MYO1F: variants seen among roughly 807,000 people sequenced by gnomAD.
MYO1F encodes unconventional myosin-If.
A neutral mutation model predicts 146.6 loss-of-function variants in MYO1F; 60 were observed. The observed-to-expected ratio is 0.41, with a 90% CI of 0.33 to 0.51. MYO1F has a LOEUF of 0.51. Among genes scored for constraint, MYO1F ranks in the 20% least tolerant of loss-of-function variants. The pLI is 0.25. For missense variants in MYO1F, 1,274 were observed against 1,534.3 expected (o/e 0.83, Z 2.83); for synonymous variants, 602 against 602.1 (o/e 1.00, Z 0.00).
rs61463028 is a variant in MYO1F at position 8,548,333 on chromosome 19, G to GCC, written c.1102-17_1102-16insGG. 0.068 allele frequency: 110,318 copies of GCC among 1,612,706 alleles called. 11,144 individuals carry two copies. The highest frequency in any genetic ancestry group is 0.44 in the African/African-American group (32,736 of 74,718). On this transcript the variant is annotated splice_polypyrimidine_tract_variant and intron_variant, in intron 10 of 27. Transcript: ENST00000644032. ...GGTTGATGGCCTGCGGTGTGGGTGG[G>GCC]GACAGGAAGTCAGTGGGCATCGGTC...
At chr19:8,569,513 A>G (rs2042070859) in intron 1 of MYO1F, among the ~76,000 whole-genome samples, 3 of 152,006 alleles carry the variant, frequency 2.0e-5, no homozygotes, top group African/African-American at 7.2e-5. Flanking sequence ...GATGTGTGCC[A>G]TGGAGGGAAC....
Position 8,548,321 on chromosome 19 carries a change from C to T in MYO1F, c.1102-4G>A, listed in dbSNP as rs188180684. On this transcript the variant is annotated splice_region_variant and splice_polypyrimidine_tract_variant and intron_variant, in intron 10 of 27. Transcript: ENST00000644032. ...TCTGCATAGCACGGTTGATGGCCTG[C>T]GGTGTGGGTGGGGACAGGAAGTCAG... 35 of 1,603,946 alleles carry T rather than the reference C, an allele frequency of 2.2e-5. No homozygotes were observed. In the African/African-American group the frequency reaches 2.3e-4, roughly 10 times the overall value.
chr19:8,560,318 A>C (rs923145529), intron 1 of MYO1F, among the ~76,000 whole-genome samples: 1 of 151,548 alleles, frequency 6.6e-6, no homozygotes, highest in Non-Finnish European at 1.5e-5. Context: ...CCCCATCTCT[A>C]CTAAAAATAC....
At chr19:8,568,189 C>T (rs1369954057) in intron 1 of MYO1F, among the ~76,000 whole-genome samples, 2 of 151,740 alleles carry the variant, frequency 1.3e-5, no homozygotes, top group Non-Finnish European at 2.9e-5. Flanking sequence ...TTTGGGAGGC[C>T]GAGGTGGGTG....
chr19:8,556,310 G>A (rs1379917375), intron 1 of MYO1F, among the ~76,000 whole-genome samples: 1 of 150,666 alleles, frequency 6.6e-6, no homozygotes, highest in Admixed American at 6.6e-5. Flanking sequence ...GATTACAGGC[G>A]TGAGCCACCG....
chr19:8,544,521 A>G, intron 13 of MYO1F, 57 bp from the exon 14 acceptor site: 1 of 1,474,298 alleles, frequency 6.8e-7, no homozygotes, highest in South Asian at 1.1e-5. Context: ...GCCTCCCCAC[A>G]GCTCGTCAGT....
At chr19:8,543,062 C>T (rs1973049621) in intron 14 of MYO1F, among the ~76,000 whole-genome samples, 1 of 152,038 alleles carries the variant, frequency 6.6e-6, no homozygotes, top group African/African-American at 2.4e-5. Flanking sequence ...CACGACCACG[C>T]CCGGCTGATT....
chr19:8,571,516 G>C (rs2042107712), intron 1 of MYO1F, among the ~76,000 whole-genome samples: 1 of 151,948 alleles, frequency 6.6e-6, no homozygotes, highest in African/African-American at 2.4e-5. Flanking sequence ...CTGGGTTCAA[G>C]CGATTCTCCT....
intron 25 of MYO1F, 102 bp from the exon 26 acceptor site, chr19:8,522,931 A>G: frequency 9.8e-7 from 1 of 1,017,162 alleles, no homozygotes; most frequent in Non-Finnish European, 1.5e-6. Flanking sequence ...AGACTGCGAC[A>G]CTCTCAACCC....
rs11881996 is a variant in MYO1F at position 8,550,238 on chromosome 19, G to A, written c.1023C>T (p.Leu341=). 2,917 of 1,614,176 alleles carry A rather than the reference G, an allele frequency of 1.8e-3. 45 individuals are homozygous for A. The African/African-American group carries it at 0.034, about 19-fold the overall frequency. ...GGGTGTAGGCTGCCTGCTCCACGTT[G>A]AGGGTCACATTGATGGACTCGCTGC... is the stretch of plus-strand genomic sequence containing the variant. ...GGRSESINVT[L]NVEQAAYTRD... Residue 341 remains leucine (L), a synonymous_variant, in exon 10 of 28, where the codon CTC becomes CTT. Coordinates refer to ENST00000644032, the MANE Select transcript of MYO1F (RefSeq NM_012335.4).
At chr19:8,564,065 G>A (rs573054515) in intron 1 of MYO1F, among the ~76,000 whole-genome samples, 1 of 152,224 alleles carries the variant, frequency 6.6e-6, no homozygotes, top group Admixed American at 6.5e-5. Flanking sequence ...TTTAAAGGAG[G>A]CCTAATTAGG....
Position 8,521,487 on chromosome 19 carries a change from G to T in MYO1F, c.*41C>A. The T allele has an allele frequency of 6.3e-7, 1 of 1,586,906 alleles. No individual in the cohort carries two copies. Among genetic ancestry groups the T allele is most frequent in the Non-Finnish European group, 8.6e-7 (1 of 1,165,896 alleles). On this transcript the variant is annotated 3_prime_UTR_variant, in exon 28 of 28. Coordinates refer to ENST00000644032, the MANE Select transcript of MYO1F (RefSeq NM_012335.4). ...TGGCTCCCCACCAGGCCGGCAGGCA[G>T]ATAGGCGGGCGAAAGAGAAGGCAGT...
At chr19:8,543,768 CTGG>C (rs1568348936) in intron 14 of MYO1F, among the ~76,000 whole-genome samples, 2 of 10,950 alleles carry the variant, frequency 1.8e-4, no homozygotes, top group Non-Finnish European at 3.5e-4. Flanking sequence ...GGTGGTGGTG[CTGG>C]TGGTGCTGGT....
chr19:8,560,494 G>GAAA lies in MYO1F; in HGVS notation c.4-4701_4-4699dup, dbSNP rs5827003. Among the ~76,000 whole-genome samples the GAAA allele has an allele frequency of 4.2e-3, 611 of 145,172 alleles. 6 individuals are homozygous for GAAA. Among genetic ancestry groups the GAAA allele is most frequent in the African/African-American group, 0.015 (594 of 39,258 alleles). On this transcript the variant is annotated intron_variant, in intron 1 of 27. Coordinates refer to ENST00000644032, the MANE Select transcript of MYO1F (RefSeq NM_012335.4). ...TAGCGAGACTTGGTCTTAAAAAAAG[G>GAAA]AAAAAAAAAAAAGAACAGGTTCTTG...
intron 1 of MYO1F, among the ~76,000 whole-genome samples, chr19:8,570,139 C>T (rs1251103435): frequency 4.0e-5 from 6 of 151,624 alleles, no homozygotes; most frequent in Admixed American, 2.0e-4. Context: ...GCGGCATGAT[C>T]TAGGCTTACT....
rs1972427344 is a variant in MYO1F at position 8,530,280 on chromosome 19, C to T, written c.2244G>A (p.Glu748=). ...CCAGGAACTGACGCAGCTCGGGCCG[C>T]TCCTCCAGCCCCAGGTAGTCCCCGA... ...NFVGDYLGLE[E]RPELRQFLGK... Residue 748 remains glutamate (E), a synonymous_variant, in exon 21 of 28, where the codon GAG becomes GAA. Coordinates refer to ENST00000644032, the MANE Select transcript of MYO1F (RefSeq NM_012335.4). The surrounding 1 kb of genome is among the most constrained non-coding windows in gnomAD (Gnocchi z 5.8). 6.2e-7 allele frequency: 1 copy of T among 1,614,154 alleles called. No homozygotes were observed. The highest frequency in any genetic ancestry group is 8.5e-7 in the Non-Finnish European group (1 of 1,180,026).
At chr19:8,526,430 GC>G (rs1162059361) in intron 24 of MYO1F, 22 bp downstream of exon 24, 6 of 1,550,272 alleles carry the variant, frequency 3.9e-6, no homozygotes, top group Non-Finnish European at 5.2e-6. Flanking sequence ...CGCCCCCTCT[GC>G]CCTAGTTCCG....
chr19:8,550,450 A>G, intron 9 of MYO1F, 94 bp from the exon 10 acceptor site: 1 of 1,596,908 alleles, frequency 6.3e-7, no homozygotes, highest in Non-Finnish European at 8.5e-7. Flanking sequence ...TTGCCCAGTG[A>G]CACCCACATT....
Position 8,536,236 on chromosome 19 carries a change from C to T in MYO1F, c.2043+16G>A. On this transcript the variant is annotated intron_variant, in intron 19 of 27. Transcript: ENST00000644032. ...CTTCCCCTCTCCTTCTCTGCCTGTC[C>T]CTCAAACACACTCACCGACTCTGGG... is the stretch of plus-strand genomic sequence containing the variant. 1 of 1,602,330 alleles carries T rather than the reference C, an allele frequency of 6.2e-7. No homozygotes were observed. The highest frequency in any genetic ancestry group is 8.5e-7 in the Non-Finnish European group (1 of 1,179,938).
Sources: allele counts gnomAD v4.1 joint callset (sites outside exome capture counted in the v4.1 genomes callset), GRCh38; gene constraint gnomAD v4.1.1; non-coding constraint Gnocchi (gnomAD v3.1); transcripts MANE v1.5; gene names NCBI Gene and HGNC (gene_info 2026-07-23, HGNC 2026-07-21).